Variants in MAP3K3 observed in about 807,000 individuals in gnomAD.
The protein encoded by MAP3K3 is MAP/ERK kinase kinase 3.
In MAP3K3, 12 loss-of-function variants were observed where a neutral mutation model predicts 80.9. That is an observed-to-expected ratio of 0.15 (90% CI 0.10 to 0.24). MAP3K3 has a LOEUF of 0.24. Ranked by LOEUF, MAP3K3 falls within the 10% of genes least tolerant of loss-of-function variation. The pLI, the probability that MAP3K3 is intolerant of heterozygous loss-of-function variation, is 1.00. For synonymous variants in MAP3K3, 272 were observed against 307.1 expected (o/e 0.89, Z 1.19); for missense variants, 596 against 834.7 (o/e 0.71, Z 3.52).
chr17:63,662,740 C>T (rs866429743), intron 5 of MAP3K3, among the ~76,000 whole-genome samples: 2 of 149,612 alleles, frequency 1.3e-5, no homozygotes, highest in Admixed American at 6.7e-5. Context: ...TCACCGCAGC[C>T]TCCATCTCCC....
rs1276648082 is a variant in MAP3K3, at chr17:63,657,883, G to A, written c.357G>A (p.Leu119=). 6.2e-7 allele frequency: 1 copy of A among 1,601,814 alleles called. No individual in the cohort carries two copies. Among genetic ancestry groups the A allele is most frequent in the Non-Finnish European group, 8.5e-7 (1 of 1,170,842 alleles). ...RSSSMKSLRI[L]LLSQDRNHNS... ...CAAGCATGAAAAGCCTTAGGATATT[G>A]CTGTTGTCCCAGGACAGAAACCATG... is the stretch of plus-strand genomic sequence containing the variant. The change falls in exon 5 of 16, where the codon TTG becomes TTA. Residue 119 remains leucine, a synonymous_variant. Transcript: ENST00000361733.
intron 5 of MAP3K3, among the ~76,000 whole-genome samples, chr17:63,662,507 C>G (rs143172185): frequency 9.9e-5 from 15 of 152,180 alleles, no homozygotes; most frequent in African/African-American, 3.4e-4. Context: ...GGGCAGGCGT[C>G]TATTATCTCC....
At position 63,656,553 on chromosome 17, in the gene MAP3K3, T is replaced by A. The variant is rs558819852; in HGVS notation, c.268-1241T>A. 8.8e-5 allele frequency among the ~76,000 whole-genome samples: 13 copies of A among 147,730 alleles called. No individual in the cohort carries two copies. In the South Asian group the frequency reaches 2.6e-3, roughly 30 times the overall value. ...CCAGGAGGTGGACATTGCAGCAAGT[T>A]GTGATTGTGCCACTGCACTCCAGCC... is the stretch of plus-strand genomic sequence containing the variant. On this transcript the variant is annotated intron_variant, in intron 4 of 15. Coordinates refer to ENST00000361733, the MANE Select transcript of MAP3K3 (RefSeq NM_002401.5).
At chr17:63,681,506 A>G (rs908031009) in intron 6 of MAP3K3, among the ~76,000 whole-genome samples, 1 of 152,202 alleles carries the variant, frequency 6.6e-6, no homozygotes, top group African/African-American at 2.4e-5. Flanking sequence ...ATGGTCTCCT[A>G]GGGGTTATTC....
At chr17:63,653,128 A>G (rs2034693523) in intron 4 of MAP3K3, among the ~76,000 whole-genome samples, 1 of 152,172 alleles carries the variant, frequency 6.6e-6, no homozygotes, top group Non-Finnish European at 1.5e-5. Flanking sequence ...TTCAAATGTT[A>G]GCACCTGCTC....
At chr17:63,674,243 A>C (rs1011446775) in intron 6 of MAP3K3, among the ~76,000 whole-genome samples, 1 of 152,106 alleles carries the variant, frequency 6.6e-6, no homozygotes, top group African/African-American at 2.4e-5. Flanking sequence ...GAGTGGAGGC[A>C]ATCAGGTTTT....
intron 4 of MAP3K3, among the ~76,000 whole-genome samples, chr17:63,655,435 T>C (rs917439049): frequency 6.6e-6 from 1 of 152,216 alleles, no homozygotes; most frequent in African/African-American, 2.4e-5. Flanking sequence ...ACATTTGTTA[T>C]TTTCTTCTTT....
At chr17:63,677,110 A>G (rs1012176892) in intron 6 of MAP3K3, among the ~76,000 whole-genome samples, 4 of 152,240 alleles carry the variant, frequency 2.6e-5, no homozygotes, top group African/African-American at 7.2e-5. Context: ...TACCTGTGCC[A>G]GCACATTTAT....
At chr17:63,682,215 A>G (rs560301162) in intron 7 of MAP3K3, 4 of 217,576 alleles carry the variant, frequency 1.8e-5, no homozygotes, top group Non-Finnish European at 3.6e-5. Context: ...TCATTTCAGT[A>G]GTGTTTTAAC....
chr17:63,687,783 A>G (rs1274990284), intron 8 of MAP3K3, among the ~76,000 whole-genome samples: 2 of 150,606 alleles, frequency 1.3e-5, no homozygotes, highest in Non-Finnish European at 3.0e-5. Context: ...AGGTCAAGAG[A>G]TCGAGACCAT....
chr17:63,640,926 C>T (rs1359818322), intron 2 of MAP3K3, among the ~76,000 whole-genome samples: 3 of 152,170 alleles, frequency 2.0e-5, no homozygotes, highest in Non-Finnish European at 4.4e-5. Flanking sequence ...GCCTCTACCA[C>T]AGTAGTACTG....
At chr17:63,659,316 T>C (rs115594517) in intron 5 of MAP3K3, among the ~76,000 whole-genome samples, 2,481 of 152,294 alleles carry the variant, frequency 0.016, 72 homozygotes, top group African/African-American at 0.057. Context: ...TTTATAAATA[T>C]TTACATTTAA....
In MAP3K3 at chr17:63,692,858, G is replaced by C. The variant is rs921175517; in HGVS notation, c.1652+439G>C. ...AGCTATTGTGGTGGGCTGAATAATG[G>C]CCCCCCCAAAGATGTCCACTGCCTA... On this transcript the variant is annotated intron_variant, in intron 15 of 15. Transcript: ENST00000361733. This position sits in a 1 kb window ranked among gnomAD's most constrained non-coding sequence, Gnocchi z 4.5. Among the ~76,000 whole-genome samples the C allele has an allele frequency of 4.6e-5, 7 of 152,182 alleles. No individual in the cohort carries two copies. Among genetic ancestry groups the C allele is most frequent in the South Asian group, 2.1e-4 (1 of 4,814 alleles).
chr17:63,639,298 T>C (rs2034395960), intron 2 of MAP3K3, among the ~76,000 whole-genome samples: 1 of 151,944 alleles, frequency 6.6e-6, no homozygotes, highest in Non-Finnish European at 1.5e-5. Flanking sequence ...GCACTCCAGG[T>C]CAGGAAACAG....
At chr17:63,683,205 C>A (rs1041150598) in intron 7 of MAP3K3, among the ~76,000 whole-genome samples, 2 of 152,204 alleles carry the variant, frequency 1.3e-5, no homozygotes, top group Non-Finnish European at 2.9e-5. Flanking sequence ...ACTTTTCTTT[C>A]ATTATTCAAA....
chr17:63,636,563 T>G (rs2034327884), intron 2 of MAP3K3: 1 of 160,016 alleles, frequency 6.2e-6, no homozygotes, highest in South Asian at 1.7e-4. Context: ...TCTGTGGGTC[T>G]GACAACTTAG....
chr17:63,662,684 G>A (rs1169621517), intron 5 of MAP3K3, among the ~76,000 whole-genome samples: 3 of 124,332 alleles, frequency 2.4e-5, no homozygotes, highest in African/African-American at 9.8e-5. Context: ...TTGGGATGGA[G>A]TCTCACTCTG....
intron 1 of MAP3K3, among the ~76,000 whole-genome samples, chr17:63,627,227 TAATCCTTGTTTGA>T (rs1231658855): frequency 2.0e-5 from 3 of 152,176 alleles, no homozygotes; most frequent in African/African-American, 7.2e-5. Context: ...GCCTGAACTC[TAATCCTTGTTTGA>T]TAGATCCTTT....
intron 1 of MAP3K3, among the ~76,000 whole-genome samples, chr17:63,628,439 C>T (rs993347462): frequency 7.9e-5 from 12 of 151,372 alleles, no homozygotes; most frequent in African/African-American, 2.9e-4. Flanking sequence ...TGGCTCACCG[C>T]AACCTCCGCC....
Sources: allele counts gnomAD v4.1 joint callset (sites outside exome capture counted in the v4.1 genomes callset), GRCh38; gene constraint gnomAD v4.1.1; non-coding constraint Gnocchi (gnomAD v3.1); transcripts MANE v1.5; gene names NCBI Gene and HGNC (gene_info 2026-07-23, HGNC 2026-07-21).